SYNE1: variants seen among roughly 807,000 people sequenced by gnomAD.
The protein encoded by SYNE1 is nesprin-1.
In SYNE1, 616 loss-of-function variants were observed where a neutral mutation model predicts 1,111.0. The ratio of observed to expected loss-of-function variants is 0.55; its 90% confidence interval spans 0.52 to 0.59. SYNE1 has a LOEUF of 0.59. Among genes scored for constraint, SYNE1 ranks in the 20% least tolerant of loss-of-function variants. SYNE1 has a pLI of 0.00. For missense variants in SYNE1, 10,006 were observed against 10,417.0 expected (o/e 0.96, Z 1.72); for synonymous variants, 3,855 against 3,825.8 (o/e 1.01, Z -0.28).
chr6:152,291,234 T>C (rs1338816733), intron 95 of SYNE1, among the ~76,000 whole-genome samples: 2 of 109,112 alleles, frequency 1.8e-5, no homozygotes, highest in Non-Finnish European at 3.6e-5. Context: ...GATATATTAA[T>C]ATATGCAATT....
In SYNE1 at chr6:152,419,624, T is replaced by C. The variant is rs371650310; in HGVS notation, c.5366A>G (p.Gln1789Arg). ...VWIKLFLSEL[Q>R]TTSEISIMDH... ...CATTATGCTAATCTCAGAGGTAGTT[T>C]GTAATTCACTGAGAAACAGTTTAAT... Residue 1789 changes from glutamine to arginine, a missense_variant, in exon 40 of 146, where the codon CAA becomes CGA. By Grantham distance (43) the Gln-to-Arg change is conservative. Transcript: ENST00000367255. 7 of 1,613,772 alleles carry C rather than the reference T, an allele frequency of 4.3e-6. No individual in the cohort carries two copies. The highest frequency in any genetic ancestry group is 1.3e-5 in the African/African-American group (1 of 74,850).
chr6:152,221,986 G>A (rs2080287105), intron 117 of SYNE1, among the ~76,000 whole-genome samples: 1 of 152,150 alleles, frequency 6.6e-6, no homozygotes, highest in South Asian at 2.1e-4. Flanking sequence ...GTTGTGTCCT[G>A]ACTTGCCCAG....
intron 17 of SYNE1, 77 bp downstream of exon 17, chr6:152,465,905 A>C: frequency 9.5e-7 from 1 of 1,055,548 alleles, no homozygotes; most frequent in Non-Finnish European, 1.5e-6. Flanking sequence ...AGAAAGAATG[A>C]TCTGATCAGA....
At chr6:152,398,453 A>T (rs914667998) in intron 49 of SYNE1, among the ~76,000 whole-genome samples, 166 bp downstream of exon 49, 2 of 152,236 alleles carry the variant, frequency 1.3e-5, no homozygotes, top group African/African-American at 4.8e-5. Flanking sequence ...GTTTCTCAAC[A>T]TACTTATCAT....
At position 152,391,580 on chromosome 6, in the gene SYNE1, GAAAAAAAAA is replaced by G; in HGVS notation, c.7713-21_7713-13del. On this transcript the variant is annotated splice_polypyrimidine_tract_variant and intron_variant, in intron 51 of 145. Coordinates refer to ENST00000367255, the MANE Select transcript of SYNE1 (RefSeq NM_182961.4). The stretch of plus-strand genomic sequence containing the variant: ...TATCAAGAGACTCTCTGAAAAAAAG[GAAAAAAAAA>G]AAAAAGAAAAAAAATTAATTCTGAC... 1 of 1,337,114 alleles carries G rather than the reference GAAAAAAAAA, an allele frequency of 7.5e-7. No homozygotes were observed. The highest frequency in any genetic ancestry group is 1.4e-5 in the South Asian group (1 of 72,184). 82.8% of individuals were successfully genotyped at this position (1,337,114 alleles called of 1,614,324 possible).
At chr6:152,591,948 T>C (rs1282984887) in intron 3 of SYNE1, among the ~76,000 whole-genome samples, 2 of 151,820 alleles carry the variant, frequency 1.3e-5, no homozygotes, top group Non-Finnish European at 2.9e-5. Context: ...ATCAGAAAAA[T>C]GCAAATCAAA....
rs903131192 is a variant in SYNE1 at position 152,637,291 on chromosome 6, C to G, written c.-494G>C. On this transcript the variant is annotated 5_prime_UTR_variant, in exon 1 of 146. Transcript: ENST00000367255. ...TATACCGGGACCACCTCCCGGGGGT[C>G]GAGGTGGGAAGGAAATGTCCCTGAG... 6.6e-6 allele frequency: 1 copy of G among 152,322 alleles called. No homozygotes were observed. The highest frequency in any genetic ancestry group is 1.5e-5 in the Non-Finnish European group (1 of 68,112). 9.4% of individuals were successfully genotyped at this position (152,322 alleles called of 1,614,324 possible). A position where few individuals can be genotyped will look rare whatever the true frequency, so the allele number is the denominator to read the frequency against.
chr6:152,393,769 A>T (rs1441931942), intron 51 of SYNE1, among the ~76,000 whole-genome samples: 2 of 152,188 alleles, frequency 1.3e-5, no homozygotes, highest in Admixed American at 6.5e-5. Flanking sequence ...GGCATGTTTG[A>T]CTAAAAAGAG....
chr6:152,145,796 G>T (rs1018737182), intron 137 of SYNE1: 3 of 443,926 alleles, frequency 6.8e-6, no homozygotes. Flanking sequence ...AGGCCAAGGC[G>T]GGTGGATCAC....
chr6:152,594,715 T>C (rs1161299130), intron 3 of SYNE1, among the ~76,000 whole-genome samples: 1 of 152,174 alleles, frequency 6.6e-6, no homozygotes, highest in Non-Finnish European at 1.5e-5. Context: ...AACTCTCTTG[T>C]ACAAAAAACT....
At chr6:152,534,810 C>T (rs952150517) in intron 4 of SYNE1, among the ~76,000 whole-genome samples, 2 of 152,190 alleles carry the variant, frequency 1.3e-5, no homozygotes, top group Admixed American at 1.3e-4. Flanking sequence ...AAGATGAAAG[C>T]CACCACTAAA....
chr6:152,611,550 A>G (rs974522582), intron 3 of SYNE1, among the ~76,000 whole-genome samples: 1 of 152,140 alleles, frequency 6.6e-6, no homozygotes, highest in Admixed American at 6.5e-5. Flanking sequence ...TAATAATGGG[A>G]GACTTTAACA....
intron 104 of SYNE1, among the ~76,000 whole-genome samples, chr6:152,254,069 A>T (rs564908095): frequency 6.6e-5 from 10 of 151,274 alleles, no homozygotes; most frequent in African/African-American, 2.4e-4. Context: ...TTTCCTAAGC[A>T]CACAATAAGA....
intron 107 of SYNE1, among the ~76,000 whole-genome samples, chr6:152,240,313 C>CAA (rs1357319768): frequency 6.6e-6 from 1 of 151,824 alleles, no homozygotes; most frequent in Admixed American, 6.6e-5. Flanking sequence ...AACAAACAAA[C>CAA]AAACAAAAAA....
At chr6:152,241,624 A>C (rs2153560743) in intron 107 of SYNE1, among the ~76,000 whole-genome samples, 1 of 152,108 alleles carries the variant, frequency 6.6e-6, no homozygotes, top group African/African-American at 2.4e-5. Flanking sequence ...AAGTTTGATT[A>C]CATAGTAAAC....
intron 137 of SYNE1, chr6:152,145,307 G>T: frequency 1.5e-6 from 1 of 675,272 alleles, no homozygotes; most frequent in Non-Finnish European, 2.7e-6. Context: ...CTCAATTAGT[G>T]AAATCTTATT....
chr6:152,324,666 C>T (rs1421591460), intron 81 of SYNE1, among the ~76,000 whole-genome samples: 1 of 151,600 alleles, frequency 6.6e-6, no homozygotes, highest in Non-Finnish European at 1.5e-5. Flanking sequence ...TGGTGGCGGG[C>T]GCCTGTAGTC....
chr6:152,550,093 G>T (rs772230238), intron 3 of SYNE1, among the ~76,000 whole-genome samples: 24 of 152,082 alleles, frequency 1.6e-4, no homozygotes, highest in Non-Finnish European at 3.4e-4. Context: ...TTAGATACTG[G>T]CAGTACCCTA....
intron 3 of SYNE1, among the ~76,000 whole-genome samples, chr6:152,564,544 T>C (rs1262647340): frequency 1.3e-5 from 2 of 152,192 alleles, no homozygotes; most frequent in Non-Finnish European, 2.9e-5. Flanking sequence ...CTTGAGCTCC[T>C]GAACTCAAGT....
Sources: allele counts gnomAD v4.1 joint callset (sites outside exome capture counted in the v4.1 genomes callset), GRCh38; gene constraint gnomAD v4.1.1; transcripts MANE v1.5; gene names NCBI Gene and HGNC (gene_info 2026-07-23, HGNC 2026-07-21).